Variants in DPP10 observed in about 807,000 individuals in gnomAD.
DPP10 encodes the protein dipeptidyl peptidase like 10, also known as inactive dipeptidyl peptidase 10.
A neutral mutation model predicts 120.9 loss-of-function variants in DPP10; 33 were observed. The ratio of observed to expected loss-of-function variants is 0.27; its 90% CI spans 0.21 to 0.37. DPP10 has a LOEUF of 0.37. Ranked by LOEUF, DPP10 falls within the 10% of genes least tolerant of loss-of-function variation. The pLI is 1.00. For missense variants in DPP10, 816 were observed against 942.8 expected (o/e 0.87, Z 1.76); for synonymous variants, 337 against 326.1 (o/e 1.03, Z -0.36).
chr2:115,625,508 A>G (rs1164594657), intron 5 of DPP10, among the ~76,000 whole-genome samples: 2 of 152,118 alleles, frequency 1.3e-5, no homozygotes, highest in African/African-American at 4.8e-5. Context: ...GGACAAAGAT[A>G]AACGTTAAGG....
chr2:115,299,511 T>A (rs1356733301), intron 1 of DPP10, among the ~76,000 whole-genome samples: 3 of 152,070 alleles, frequency 2.0e-5, no homozygotes, highest in Non-Finnish European at 4.4e-5. Context: ...CTCATTGGAA[T>A]GTTTTGCTCA....
intron 5 of DPP10, among the ~76,000 whole-genome samples, chr2:115,676,869 G>T (rs1172437363): frequency 6.6e-6 from 1 of 152,136 alleles, no homozygotes; most frequent in South Asian, 2.1e-4. Flanking sequence ...ACCCAAAAAT[G>T]TCCTCTCTGA....
At chr2:114,931,076 C>G (rs1696035289) in intron 1 of DPP10, among the ~76,000 whole-genome samples, 1 of 152,114 alleles carries the variant, frequency 6.6e-6, no homozygotes, top group African/African-American at 2.4e-5. Flanking sequence ...CTTTCTCTTG[C>G]CTTATTGTGT....
intron 1 of DPP10, among the ~76,000 whole-genome samples, chr2:115,141,295 G>A (rs866833690): frequency 1.6e-4 from 24 of 152,116 alleles, no homozygotes; most frequent in African/African-American, 5.3e-4. Context: ...CTCATAAATC[G>A]GCAATTTAGG....
chr2:114,571,684 G>A (rs1689660981), intron 1 of DPP10, among the ~76,000 whole-genome samples: 1 of 151,946 alleles, frequency 6.6e-6, no homozygotes, highest in African/African-American at 2.4e-5. Flanking sequence ...TAATTGAATT[G>A]CTGTGGTAGG....
At chr2:114,835,072 G>A (rs1456629021) in intron 1 of DPP10, 1 of 149,626 alleles carries the variant, frequency 6.7e-6, no homozygotes, top group Non-Finnish European at 1.5e-5. Flanking sequence ...GTATATATAA[G>A]CCATATCTAC....
Position 115,679,828 on chromosome 2 carries a change from T to A in DPP10, c.442-9859T>A, listed in dbSNP as rs1000091349. 4.6e-5 allele frequency among the ~76,000 whole-genome samples: 7 copies of A among 152,220 alleles called. No homozygotes were observed. The South Asian group carries it at 6.2e-4, about 14-fold the overall frequency. On this transcript the variant is annotated intron_variant, in intron 5 of 25. Coordinates refer to ENST00000410059, the MANE Select transcript of DPP10 (RefSeq NM_020868.6). ...GAAGTAAAGAGAAGAACTGTGGTTA[T>A]TAGAGGCTTGAAAATGTAGGAGTAA...
Position 115,105,478 on chromosome 2 carries a change from T to C in DPP10, c.61-203761T>C, listed in dbSNP as rs370234804. Among the ~76,000 whole-genome samples the C allele has an allele frequency of 1.1e-4, 16 of 151,808 alleles. No homozygotes were observed. In the East Asian group the frequency reaches 2.1e-3, roughly 20 times the overall value. ...GAGAGGAGAAGCAGGACTGACTTTT[T>C]TGAGCAATCAGATTTGATGGTAACT... On this transcript the variant is annotated intron_variant, in intron 1 of 25. Coordinates refer to ENST00000410059, the MANE Select transcript of DPP10 (RefSeq NM_020868.6).
chr2:114,629,045 G>A (rs944541874), intron 1 of DPP10, among the ~76,000 whole-genome samples: 1 of 152,094 alleles, frequency 6.6e-6, no homozygotes, highest in South Asian at 2.1e-4. Context: ...ACAGCTGGTG[G>A]ATCATGTTGT....
intron 1 of DPP10, among the ~76,000 whole-genome samples, chr2:114,789,524 G>A (rs1213880223): frequency 1.3e-5 from 2 of 152,112 alleles, no homozygotes; most frequent in African/African-American, 4.8e-5. Flanking sequence ...GTAGCATGGC[G>A]TCAAGATACA....
intron 1 of DPP10, among the ~76,000 whole-genome samples, chr2:114,932,592 C>A (rs1174609843): frequency 6.6e-6 from 1 of 152,120 alleles, no homozygotes; most frequent in East Asian, 1.9e-4. Flanking sequence ...ATACAGTTCC[C>A]AGATCAGGTG....
chr2:115,503,149 G>C (rs1465230842), intron 4 of DPP10, among the ~76,000 whole-genome samples: 2 of 152,030 alleles, frequency 1.3e-5, no homozygotes, highest in Admixed American at 1.3e-4. Context: ...TTCATATATG[G>C]CAGCAGAATG....
intron 1 of DPP10, among the ~76,000 whole-genome samples, chr2:114,829,313 T>A (rs1558784076): frequency 6.6e-6 from 1 of 150,754 alleles, no homozygotes; most frequent in African/African-American, 2.4e-5. Context: ...TAAATAAATA[T>A]AAATAGACTA....
intron 1 of DPP10, among the ~76,000 whole-genome samples, chr2:115,010,107 T>C (rs1314815762): frequency 1.3e-5 from 2 of 152,238 alleles, no homozygotes; most frequent in Non-Finnish European, 1.5e-5. Context: ...CTTACTTAAA[T>C]ATTATTGTAG....
At chr2:114,668,808 T>A (rs781733162) in intron 1 of DPP10, among the ~76,000 whole-genome samples, 2 of 152,184 alleles carry the variant, frequency 1.3e-5, no homozygotes, top group Non-Finnish European at 1.5e-5. Context: ...TATTCTCTGA[T>A]AGGAGACTTT....
chr2:115,622,510 C>CTTTTTTTTT (rs70941082), intron 5 of DPP10, among the ~76,000 whole-genome samples: 3 of 117,410 alleles, frequency 2.6e-5, no homozygotes, highest in Middle Eastern at 4.9e-3. Context: ...ATTTTATTGT[C>CTTTTTTTTT]TTTTTTTTTT....
At chr2:115,149,054 AT>A (rs1317377502) in intron 1 of DPP10, among the ~76,000 whole-genome samples, 1 of 151,988 alleles carries the variant, frequency 6.6e-6, no homozygotes, top group East Asian at 1.9e-4. Context: ...CCACTTGTGG[AT>A]TTTACCCCAG....
At chr2:114,825,462 A>G (rs1016450658) in intron 1 of DPP10, among the ~76,000 whole-genome samples, 2 of 152,214 alleles carry the variant, frequency 1.3e-5, no homozygotes, top group Non-Finnish European at 2.9e-5. Flanking sequence ...CTGACCAGGT[A>G]TAATTTCAAT....
intron 1 of DPP10, among the ~76,000 whole-genome samples, chr2:115,007,464 A>T (rs1701938696): frequency 6.6e-6 from 1 of 152,120 alleles, no homozygotes; most frequent in African/African-American, 2.4e-5. Context: ...ACCCACAGCC[A>T]ATATCATACT....
Sources: allele counts gnomAD v4.1 joint callset (sites outside exome capture counted in the v4.1 genomes callset), GRCh38; gene constraint gnomAD v4.1.1; transcripts MANE v1.5; gene names NCBI Gene and HGNC (gene_info 2026-07-23, HGNC 2026-07-21).